The following PHKB variants were observed in gnomAD, a reference collection of about 807,000 sequenced individuals.
PHKB encodes phosphorylase b kinase regulatory subunit beta.
PHKB carries 122 observed loss-of-function variants against 152.1 expected under a neutral mutation model. That is an observed-to-expected ratio of 0.80 (90% CI 0.69 to 0.93). The LOEUF is 0.93. PHKB is among the 40% of genes least tolerant of loss of function. PHKB has a pLI of 0.00. For missense variants in PHKB, 1,304 were observed against 1,328.4 expected (o/e 0.98, Z 0.29); for synonymous variants, 436 against 464.9 (o/e 0.94, Z 0.80).
At chr16:47,660,139 G>A (rs1597157871) in intron 20 of PHKB, among the ~76,000 whole-genome samples, 1 of 152,086 alleles carries the variant, frequency 6.6e-6, no homozygotes, top group Admixed American at 6.5e-5. Context: ...TGGGATTACG[G>A]GCATGAGCCA....
intron 7 of PHKB, among the ~76,000 whole-genome samples, chr16:47,556,741 G>A (rs897581340): frequency 1.3e-5 from 2 of 152,086 alleles, no homozygotes; most frequent in Non-Finnish European, 2.9e-5. Context: ...TTTTTTGGTT[G>A]TGTCTCTGCC....
At position 47,609,232 on chromosome 16, in the gene PHKB, G is replaced by A. The variant is rs186803705; in HGVS notation, c.1364-1594G>A. 1.5e-4 allele frequency among the ~76,000 whole-genome samples: 23 copies of A among 152,160 alleles called. 1 individual carries two copies. The East Asian group carries it at 3.3e-3, about 22-fold the overall frequency. On this transcript the variant is annotated intron_variant, in intron 13 of 30. Transcript: ENST00000323584. ...AACTTTGTGATGTTAAGCCATCCTTGCATTTGTGGGATAGATTCTACTTGG... is the reference window on the plus strand; with the variant it reads ...AACTTTGTGATGTTAAGCCATCCTTACATTTGTGGGATAGATTCTACTTGG...
chr16:47,616,075 T>G (rs375086952), intron 14 of PHKB, among the ~76,000 whole-genome samples: 1 of 152,218 alleles, frequency 6.6e-6, no homozygotes, highest in African/African-American at 2.4e-5. Flanking sequence ...TTATGTATTC[T>G]GAGACCTTTA....
chr16:47,566,830 C>A, intron 7 of PHKB: 1 of 722,446 alleles, frequency 1.4e-6, no homozygotes, highest in South Asian at 1.4e-5. Flanking sequence ...CCTCCATCCT[C>A]AGCCAGAGAG....
intron 6 of PHKB, among the ~76,000 whole-genome samples, chr16:47,541,772 T>G (rs560407559): frequency 1.6e-3 from 241 of 152,360 alleles, no homozygotes; most frequent in African/African-American, 5.3e-3. Context: ...TTTTTTCATG[T>G]GTCTGTTGGC....
chr16:47,622,902 C>T (rs941494628), intron 14 of PHKB, among the ~76,000 whole-genome samples: 2 of 152,164 alleles, frequency 1.3e-5, no homozygotes, highest in African/African-American at 4.8e-5. Flanking sequence ...GCTTTCTCCT[C>T]TAAATATACA....
intron 1 of PHKB, among the ~76,000 whole-genome samples, chr16:47,472,209 C>G (rs1057263280): frequency 6.6e-6 from 1 of 152,206 alleles, no homozygotes; most frequent in South Asian, 2.1e-4. Context: ...CAAAGCTACA[C>G]AAGGTCCTTG....
chr16:47,497,288 A>T (rs893742238), intron 1 of PHKB, 111 bp from the exon 2 acceptor site: 3 of 720,794 alleles, frequency 4.2e-6, no homozygotes, highest in Non-Finnish European at 7.3e-6. Flanking sequence ...GGTACTTCAC[A>T]TAAAATAATG....
At chr16:47,676,157 T>C (rs1012537009) in intron 26 of PHKB, 2 of 152,206 alleles carry the variant, frequency 1.3e-5, no homozygotes, top group Non-Finnish European at 2.9e-5. Context: ...GTGAGCAAAT[T>C]ATTCATTTAT....
At chr16:47,669,569 G>A in intron 26 of PHKB, 152 bp downstream of exon 26, 1 of 714,878 alleles carries the variant, frequency 1.4e-6, no homozygotes, top group Non-Finnish European at 2.5e-6. Context: ...ATATCTGGGG[G>A]TATGAAAAAT....
At chr16:47,687,679 G>C (rs937329950) in intron 26 of PHKB, among the ~76,000 whole-genome samples, 2 of 152,130 alleles carry the variant, frequency 1.3e-5, no homozygotes, top group Non-Finnish European at 2.9e-5. Context: ...TTTCATCCTT[G>C]TGTAACTCTC....
At chr16:47,506,270 A>T (rs996461888) in intron 4 of PHKB, among the ~76,000 whole-genome samples, 1 of 149,164 alleles carries the variant, frequency 6.7e-6, no homozygotes, top group African/African-American at 2.6e-5. Flanking sequence ...AAGTCAAAAT[A>T]AAAAAAAATC....
At chr16:47,467,022 A>G (rs1271667397) in intron 1 of PHKB, among the ~76,000 whole-genome samples, 1 of 152,232 alleles carries the variant, frequency 6.6e-6, no homozygotes, top group Non-Finnish European at 1.5e-5. Context: ...TTGCTTTGTA[A>G]AAATGATGTT....
Position 47,660,666 on chromosome 16 carries a change from A to G in PHKB, c.2043A>G (p.Glu681=), listed in dbSNP as rs1567345505. Residue 681 remains glutamate (E), a synonymous_variant, in exon 22 of 31, where the codon GAA becomes GAG. Coordinates refer to ENST00000323584, the MANE Select transcript of PHKB (RefSeq NM_000293.3). The part of the protein sequence containing the change: ...LRISDTEELP[E]FKSFEELEPP... ...TTCTTTTAATTTTTAGGCTTCCAGAATTTAAGAGTTTTGAGGAACTAGAAC... is the reference window on the plus strand; with the variant it reads ...TTCTTTTAATTTTTAGGCTTCCAGAGTTTAAGAGTTTTGAGGAACTAGAAC... 3 of 1,614,144 alleles carry G rather than the reference A, an allele frequency of 1.9e-6. No homozygotes were observed. Among genetic ancestry groups the G allele is most frequent in the Non-Finnish European group, 2.5e-6 (3 of 1,179,998 alleles).
intron 26 of PHKB, among the ~76,000 whole-genome samples, chr16:47,678,884 T>C (rs1973790247): frequency 6.6e-6 from 1 of 152,224 alleles, no homozygotes; most frequent in Admixed American, 6.5e-5. Flanking sequence ...GGTTTTCTTC[T>C]AGGGTTTTTA....
At position 47,529,671 on chromosome 16, in the gene PHKB, T is replaced by G. The variant is rs545098236; in HGVS notation, c.594+14070T>G. 2.0e-5 allele frequency: 3 copies of G among 152,304 alleles called. No homozygotes were observed. The South Asian group carries it at 6.2e-4, about 32-fold the overall frequency. 9.4% of individuals were successfully genotyped at this position (152,304 alleles called of 1,614,324 possible). On this transcript the variant is annotated intron_variant, in intron 6 of 30. Coordinates refer to ENST00000323584, the MANE Select transcript of PHKB (RefSeq NM_000293.3). The stretch of plus-strand genomic sequence containing the variant: ...AAAAAACATACATATTTTTTAAGTT[T>G]CTAGAAGCTTGGTCCCATGACATCT...
At chr16:47,666,905 A>G (rs1475433752) in intron 25 of PHKB, among the ~76,000 whole-genome samples, 1 of 152,156 alleles carries the variant, frequency 6.6e-6, no homozygotes, top group Non-Finnish European at 1.5e-5. Flanking sequence ...CTGGGAATAT[A>G]TGTGCTTTAT....
chr16:47,579,729 TA>T (rs928121203), intron 7 of PHKB, among the ~76,000 whole-genome samples: 50 of 152,314 alleles, frequency 3.3e-4, no homozygotes, highest in African/African-American at 1.1e-3. Context: ...GTATTCATTT[TA>T]TTATAAAGGG....
chr16:47,651,511 G>T (rs906185456), intron 20 of PHKB, among the ~76,000 whole-genome samples: 2 of 152,076 alleles, frequency 1.3e-5, no homozygotes, highest in African/African-American at 4.8e-5. Context: ...AAGGTCACTG[G>T]GCTTTGAGGT....
Sources: gnomAD v4.1 joint callset for allele counts (sites outside exome capture counted in the v4.1 genomes callset) on GRCh38, gnomAD v4.1.1 for gene constraint, MANE v1.5 for transcripts, NCBI Gene and HGNC (gene_info 2026-07-23, HGNC 2026-07-21) for gene names.